TRMT9B: variants seen among roughly 807,000 people sequenced by gnomAD.
TRMT9B encodes the protein probable tRNA methyltransferase 9B.
TRMT9B carries 16 observed loss-of-function variants against 11.5 expected under a neutral mutation model. That is an observed-to-expected ratio of 1.39 (90% CI 0.94 to 2.11). The LOEUF (loss-of-function observed/expected upper bound fraction) is 2.11. TRMT9B is among the 30% of genes most tolerant of loss of function. The pLI is 0.00. For missense variants in TRMT9B, 941 were observed against 553.8 expected, an observed-to-expected ratio of 1.70 and a Z score of -7.02; for synonymous variants, 274 against 192.4, an observed-to-expected ratio of 1.42 and a Z score of -3.51.
chr8:13,010,614 T>C (rs1278129680), intron 3 of TRMT9B: 1 of 985,096 alleles, frequency 1.0e-6, no homozygotes, highest in African/African-American at 1.7e-5. Flanking sequence ...AGAAAAGACC[T>C]CTGTTTCCTT....
intron 3 of TRMT9B, chr8:13,007,083 C>A (rs1810616520): frequency 6.6e-6 from 1 of 152,176 alleles, no homozygotes; most frequent in Non-Finnish European, 1.5e-5. Context: ...GTGAAACTAA[C>A]CGTTGTAAAT....
At chr8:12,946,753 T>C (rs1722838887) in intron 1 of TRMT9B, among the ~76,000 whole-genome samples, 1 of 152,182 alleles carries the variant, frequency 6.6e-6, no homozygotes, top group African/African-American at 2.4e-5. Context: ...TGAGAAATGA[T>C]GAGACTTGGC....
intron 2 of TRMT9B, among the ~76,000 whole-genome samples, chr8:12,999,774 A>G (rs13270714): frequency 0.11 from 17,185 of 152,158 alleles, 1,001 homozygotes; most frequent in South Asian, 0.13. Context: ...TAGGGAGTGT[A>G]GAGGTTATAT....
intron 2 of TRMT9B, among the ~76,000 whole-genome samples, chr8:12,998,098 A>G (rs1047615074): frequency 6.6e-6 from 1 of 152,058 alleles, no homozygotes; most frequent in Non-Finnish European, 1.5e-5. Context: ...GTTGTCTTCT[A>G]TTACTCTGTG....
chr8:12,963,860 G>A (rs560414784), intron 1 of TRMT9B, among the ~76,000 whole-genome samples: 14 of 152,312 alleles, frequency 9.2e-5, no homozygotes, highest in South Asian at 4.2e-4. Context: ...AGGCTGCAGC[G>A]TGGCATGATA....
chr8:12,972,095 G>T (rs1803727836), intron 1 of TRMT9B, among the ~76,000 whole-genome samples: 1 of 152,178 alleles, frequency 6.6e-6, no homozygotes, highest in Non-Finnish European at 1.5e-5. Context: ...TGTTAACAGA[G>T]AAAATTTAAT....
intron 1 of TRMT9B, among the ~76,000 whole-genome samples, chr8:12,981,844 C>G (rs1195585781): frequency 6.6e-6 from 1 of 152,118 alleles, no homozygotes; most frequent in Non-Finnish European, 1.5e-5. Flanking sequence ...AGTGATCATC[C>G]TGCCTCAGCC....
At chr8:12,973,663 C>T (rs1026815475) in intron 1 of TRMT9B, among the ~76,000 whole-genome samples, 1 of 120,116 alleles carries the variant, frequency 8.3e-6, no homozygotes, top group Admixed American at 8.0e-5. Flanking sequence ...GGGTGGATGA[C>T]ATGGAACTGT....
In TRMT9B at chr8:13,022,476, G is replaced by A. The variant is rs1814119586; in HGVS notation, c.*432G>A. The A allele has an allele frequency of 5.9e-6, 1 of 169,924 alleles. No homozygotes were observed. The highest frequency in any genetic ancestry group is 2.4e-5 in the African/African-American group (1 of 41,492). 10.5% of individuals were successfully genotyped at this position (169,924 alleles called of 1,614,324 possible). On this transcript the variant is annotated 3_prime_UTR_variant, in exon 5 of 5. Transcript: ENST00000524591. ...GGTTATAACTGAGAGCAGTGTGCAA[G>A]ATAATAGGTAAATTTGATCCATTGC...
intron 1 of TRMT9B, among the ~76,000 whole-genome samples, chr8:12,954,029 A>G (rs897169527): frequency 2.0e-5 from 3 of 152,224 alleles, no homozygotes; most frequent in Non-Finnish European, 4.4e-5. Context: ...ATATCTTAAT[A>G]TGGATAAAGT....
In TRMT9B at chr8:13,022,402, CT is replaced by C. The variant is rs1814109224; in HGVS notation, c.*362del. The stretch of plus-strand genomic sequence containing the variant: ...TAAAAAGATTATGCTGTTAAATAAT[CT>C]TTTAAAACGGTATTTTTATAAAGTG... On this transcript the variant is annotated 3_prime_UTR_variant, in exon 5 of 5. Coordinates refer to ENST00000524591, the MANE Select transcript of TRMT9B (RefSeq NM_020844.3). 5.4e-6 allele frequency: 1 copy of C among 184,402 alleles called. No homozygotes were observed. The highest frequency in any genetic ancestry group is 6.2e-5 in the Admixed American group (1 of 16,102). The allele number at this position is 184,402 out of a possible 1,614,324, so 11.4% of individuals were successfully genotyped here.
Position 13,024,968 on chromosome 8 carries a change from G to T in TRMT9B, c.*2924G>T, listed in dbSNP as rs1452163783. ...AACGTCTTGATCATTTAAAAAGCTT[G>T]CTTGTCCTCGAAAGGAAACACAGGT... is the stretch of plus-strand genomic sequence containing the variant. On this transcript the variant is annotated 3_prime_UTR_variant, in exon 5 of 5. Transcript: ENST00000524591. 6.0e-6 allele frequency: 1 copy of T among 167,130 alleles called. No homozygotes were observed. The highest frequency in any genetic ancestry group is 1.9e-4 in the East Asian group (1 of 5,178). 10.4% of individuals were successfully genotyped at this position (167,130 alleles called of 1,614,324 possible).
intron 2 of TRMT9B, among the ~76,000 whole-genome samples, chr8:13,005,028 C>T (rs1043834853): frequency 2.0e-5 from 3 of 150,204 alleles, no homozygotes; most frequent in Non-Finnish European, 3.0e-5. Context: ...AGAGGTTACA[C>T]TGAGCCGAGA....
intron 1 of TRMT9B, among the ~76,000 whole-genome samples, chr8:12,963,557 C>A (rs1802423926): frequency 1.3e-5 from 2 of 152,158 alleles, no homozygotes; most frequent in African/African-American, 4.8e-5. Flanking sequence ...CAAGGCCAGC[C>A]TGGGCAACAT....
At chr8:12,951,786 C>A (rs1366789480) in intron 1 of TRMT9B, 2 of 151,892 alleles carry the variant, frequency 1.3e-5, no homozygotes, top group African/African-American at 2.4e-5. Flanking sequence ...AGCCCCCGAT[C>A]CCCGGTAGCT....
At chr8:13,020,987 A>T in intron 4 of TRMT9B, 21 bp from the exon 5 acceptor site, 2 of 1,483,698 alleles carry the variant, frequency 1.3e-6, no homozygotes, top group Non-Finnish European at 1.8e-6. Context: ...ACACACTGAG[A>T]TCTAGTTTTG....
chr8:12,951,660 A>G (rs1055687172), intron 1 of TRMT9B: 3 of 152,080 alleles, frequency 2.0e-5, no homozygotes, highest in African/African-American at 7.2e-5. Context: ...GGGTTCCCGG[A>G]CAGCTGAGCC....
intron 1 of TRMT9B, among the ~76,000 whole-genome samples, chr8:12,947,375 T>TA (rs1800317822): frequency 1.3e-5 from 2 of 152,230 alleles, no homozygotes; most frequent in African/African-American, 2.4e-5. Flanking sequence ...CTAAAACCAC[T>TA]AAAAAAATAT....
chr8:13,021,636 A>G lies in TRMT9B; in HGVS notation c.957A>G (p.Lys319=), dbSNP rs1421558230. Residue 319 remains lysine, a synonymous_variant, in exon 5 of 5, where the codon AAA becomes AAG. Transcript: ENST00000524591. ...EEVFVESSSG[K]HLEWLRAPGT... is the part of the protein sequence containing the mutation. ...TGTTTGTGGAATCTTCTTCTGGAAA[A>G]CACTTGGAGTGGCTGAGAGCACCAG... 6.2e-7 allele frequency: 1 copy of G among 1,613,784 alleles called. No homozygotes were observed. The highest frequency in any genetic ancestry group is 1.1e-5 in the South Asian group (1 of 91,030).
Sources: allele counts gnomAD v4.1 joint callset (sites outside exome capture counted in the v4.1 genomes callset), GRCh38; gene constraint gnomAD v4.1.1; transcripts MANE v1.5; gene names NCBI Gene and HGNC (gene_info 2026-07-23, HGNC 2026-07-21).